Variants in TGFA observed in about 807,000 individuals in gnomAD.
TGFA encodes the protein transforming growth factor alpha.
Under a neutral mutation model 21.7 loss-of-function variants are expected in TGFA, and 12 were observed. That is an observed-to-expected ratio of 0.55 (90% CI 0.35 to 0.90). TGFA has a LOEUF of 0.90. Ranked by LOEUF, TGFA falls within the 40% of genes least tolerant of loss-of-function variation. The pLI is 0.01. For missense variants in TGFA, 178 were observed against 210.8 expected (o/e 0.84, Z 0.96); for synonymous variants, 79 against 88.1 (o/e 0.90, Z 0.58).
intron 1 of TGFA, among the ~76,000 whole-genome samples, chr2:70,527,633 T>G (rs1672679123): frequency 6.6e-6 from 1 of 152,250 alleles, no homozygotes. Context: ...TAATATTAAC[T>G]TTAGTTAATA....
chr2:70,450,830 C>T lies in TGFA; in HGVS notation c.*29G>A, dbSNP rs1553489493. 2 of 1,608,382 alleles carry T rather than the reference C, an allele frequency of 1.2e-6. No individual in the cohort carries two copies. Among genetic ancestry groups the T allele is most frequent in the African/African-American group, 2.7e-5 (2 of 74,870 alleles). On this transcript the variant is annotated 3_prime_UTR_variant, in exon 6 of 6. Coordinates refer to ENST00000295400, the MANE Select transcript of TGFA (RefSeq NM_003236.4). ...CTTTCTTTATTGATCTGCCACAGTC[C>T]ACCTGGCCAAACTCCTCCTCTGGGC... is the stretch of plus-strand genomic sequence containing the variant.
At chr2:70,478,347 C>G (rs577260174) in intron 2 of TGFA, among the ~76,000 whole-genome samples, 1 of 152,298 alleles carries the variant, frequency 6.6e-6, no homozygotes, top group African/African-American at 2.4e-5. Context: ...ACTGCATTCT[C>G]AAAACCCTCT....
At chr2:70,482,049 G>A (rs1227375600) in intron 2 of TGFA, among the ~76,000 whole-genome samples, 2 of 151,690 alleles carry the variant, frequency 1.3e-5, no homozygotes, top group African/African-American at 4.8e-5. Flanking sequence ...TACACTTTGA[G>A]TTTCTATAAG....
intron 3 of TGFA, among the ~76,000 whole-genome samples, chr2:70,457,016 A>G (rs1323181816): frequency 2.6e-5 from 4 of 152,100 alleles, no homozygotes; most frequent in African/African-American, 7.2e-5. Flanking sequence ...AGGACTGGAG[A>G]AATCACTACT....
chr2:70,465,905 G>A (rs879997366), intron 2 of TGFA, among the ~76,000 whole-genome samples, 169 bp from the exon 3 acceptor site: 12 of 152,176 alleles, frequency 7.9e-5, no homozygotes, highest in Admixed American at 7.2e-4. Context: ...GCCTAAGACA[G>A]GCCTAGAGCT....
At chr2:70,466,072 A>T (rs1382775680) in intron 2 of TGFA, among the ~76,000 whole-genome samples, 1 of 152,188 alleles carries the variant, frequency 6.6e-6, no homozygotes, top group Non-Finnish European at 1.5e-5. Context: ...TTTTTTTTAG[A>T]TAGCTGTCAT....
chr2:70,521,613 GTTTGTTTTTTT>G (rs1415063233), intron 1 of TGFA, among the ~76,000 whole-genome samples: 1 of 74,052 alleles, frequency 1.4e-5, no homozygotes, highest in African/African-American at 4.2e-5. Context: ...GTTGTTGTTT[GTTTGTTTTTTT>G]TTTTTTTTTT....
In TGFA at chr2:70,521,613, G is replaced by GTTTTTTT. The variant is rs59567780; in HGVS notation, c.41-6702_41-6701insAAAAAAA. 3.7e-3 allele frequency among the ~76,000 whole-genome samples: 276 copies of GTTTTTTT among 73,918 alleles called. 22 individuals are homozygous for GTTTTTTT. Among genetic ancestry groups the GTTTTTTT allele is most frequent in the African/African-American group, 0.01 (239 of 23,636 alleles). 48.5% of individuals were successfully genotyped at this position (73,918 alleles called of 152,430 possible). The stretch of plus-strand genomic sequence containing the variant: ...TTGATAGTTTTTTTTGTTGTTGTTT[G>GTTTTTTT]TTTGTTTTTTTTTTTTTTTTTTTTT... On this transcript the variant is annotated intron_variant, in intron 1 of 5. Transcript: ENST00000295400.
intron 2 of TGFA, 71 bp from the exon 3 acceptor site, chr2:70,465,807 A>G: frequency 4.4e-6 from 7 of 1,587,050 alleles, no homozygotes; most frequent in Admixed American, 1.7e-5. Flanking sequence ...CTCCCACCCT[A>G]CCAGTCAAGA....
chr2:70,532,961 AG>A (rs1672858338), intron 1 of TGFA, among the ~76,000 whole-genome samples: 1 of 151,704 alleles, frequency 6.6e-6, no homozygotes, highest in Non-Finnish European at 1.5e-5. Flanking sequence ...CCCTGGGCTC[AG>A]GTGACTCTCT....
intron 5 of TGFA, among the ~76,000 whole-genome samples, chr2:70,452,520 A>G (rs1254106747): frequency 6.6e-6 from 1 of 152,238 alleles, no homozygotes; most frequent in African/African-American, 2.4e-5. Context: ...TACAGATGAA[A>G]AAGGGGAAGT....
intron 1 of TGFA, among the ~76,000 whole-genome samples, chr2:70,531,012 C>T (rs1672800867): frequency 6.6e-6 from 1 of 152,204 alleles, no homozygotes; most frequent in Non-Finnish European, 1.5e-5. Context: ...AGATAGCCAC[C>T]TCCACTGAAG....
chr2:70,496,004 A>G (rs1259642781), intron 2 of TGFA, among the ~76,000 whole-genome samples: 1 of 152,146 alleles, frequency 6.6e-6, no homozygotes, highest in Non-Finnish European at 1.5e-5. Flanking sequence ...AATTTGTAGA[A>G]ATAGTGATTT....
At chr2:70,471,109 A>ACCCCCC (rs3836154) in intron 2 of TGFA, among the ~76,000 whole-genome samples, 2 of 107,228 alleles carry the variant, frequency 1.9e-5, no homozygotes, top group African/African-American at 3.9e-5. Context: ...TCCTCCCCGC[A>ACCCCCC]CCCCCCCCAC....
intron 2 of TGFA, among the ~76,000 whole-genome samples, chr2:70,511,908 C>CAA (rs1244862234): frequency 2.0e-5 from 3 of 151,910 alleles, no homozygotes; most frequent in Non-Finnish European, 2.9e-5. Flanking sequence ...CACACACACA[C>CAA]ACACACACAC....
At chr2:70,504,469 C>CACATATATATATATATATAT (rs1671851267) in intron 2 of TGFA, among the ~76,000 whole-genome samples, 1 of 80,628 alleles carries the variant, frequency 1.2e-5, no homozygotes, top group Non-Finnish European at 2.6e-5. Context: ...TATATACACA[C>CACATATATATATATATATAT]ATACATACAT....
chr2:70,503,630 CA>C (rs1671810540), intron 2 of TGFA, among the ~76,000 whole-genome samples: 1 of 150,682 alleles, frequency 6.6e-6, no homozygotes, highest in Non-Finnish European at 1.5e-5. Flanking sequence ...CCAGGGGGCA[CA>C]GTTAAGCTTT....
At chr2:70,476,080 C>CAAAAAAAAAAAAAAAAAA (rs1175233983) in intron 2 of TGFA, among the ~76,000 whole-genome samples, 1 of 55,630 alleles carries the variant, frequency 1.8e-5, no homozygotes, top group African/African-American at 6.9e-5. Flanking sequence ...TAATTTTAAG[C>CAAAAAAAAAAAAAAAAAA]AAAAAAAAAA....
At chr2:70,457,378 C>T (rs1345682290) in intron 3 of TGFA, among the ~76,000 whole-genome samples, 1 of 152,100 alleles carries the variant, frequency 6.6e-6, no homozygotes, top group Non-Finnish European at 1.5e-5. Flanking sequence ...TTACAGGCAT[C>T]CCCTCACCCT....
Sources: gnomAD v4.1 joint callset for allele counts (sites outside exome capture counted in the v4.1 genomes callset) on GRCh38, gnomAD v4.1.1 for gene constraint, MANE v1.5 for transcripts, NCBI Gene and HGNC (gene_info 2026-07-23, HGNC 2026-07-21) for gene names.